Variants in ALG3 observed in about 807,000 individuals in gnomAD.
ALG3 encodes ALG3 alpha-1,3- mannosyltransferase, also known as dol-P-Man:Man(5)GlcNAc(2)-PP-Dol alpha-1,3-mannosyltransferase.
In ALG3, 39 loss-of-function variants were observed where a neutral mutation model predicts 50.5. That is an observed-to-expected ratio of 0.77 (90% CI 0.60 to 1.01). ALG3 has a LOEUF of 1.01. ALG3 is among the 50% of genes least tolerant of loss of function. The pLI, the probability that ALG3 is intolerant of heterozygous loss-of-function variation, is 0.00. For synonymous variants in ALG3, 252 were observed against 237.2 expected (o/e 1.06, Z -0.58); for missense variants, 520 against 554.8 (o/e 0.94, Z 0.63).
intron 4 of ALG3, 162 bp downstream of exon 4, chr3:184,245,036 G>T: frequency 2.1e-6 from 2 of 968,372 alleles, no homozygotes; most frequent in East Asian, 2.6e-5. Context: ...GTATGTTGGG[G>T]GATGGCAGGG....
At chr3:184,247,085 G>T (rs374812193) in intron 1 of ALG3, among the ~76,000 whole-genome samples, 164 of 150,852 alleles carry the variant, frequency 1.1e-3, no homozygotes, top group African/African-American at 3.9e-3. Context: ...TTCTATTTTA[G>T]TAGAGACAGG....
upstream of ALG3, chr3:184,248,980 A>G (rs1351996352): frequency 3.9e-6 from 6 of 1,547,820 alleles, no homozygotes; most frequent in Non-Finnish European, 5.2e-6. Flanking sequence ...CCACCCCCGG[A>G]AACCCGAACC....
chr3:184,246,875 G>A (rs1159784825), intron 1 of ALG3, among the ~76,000 whole-genome samples: 4 of 151,688 alleles, frequency 2.6e-5, no homozygotes, highest in African/African-American at 9.7e-5. Context: ...AGTAGAGATG[G>A]GGTTTCACCG....
chr3:184,243,717 C>A (rs908472655), intron 6 of ALG3, 74 bp downstream of exon 6: 28 of 1,593,010 alleles, frequency 1.8e-5, no homozygotes, highest in Non-Finnish European at 2.4e-5. Context: ...GACACTTCCC[C>A]CAAGCAGCCC....
At chr3:184,247,764 C>T (rs1347541843) in intron 1 of ALG3, among the ~76,000 whole-genome samples, 1 of 152,192 alleles carries the variant, frequency 6.6e-6, no homozygotes, top group Admixed American at 6.5e-5. Flanking sequence ...TTTATGGTAT[C>T]CTGTGTTACT....
intron 8 of ALG3, 60 bp downstream of exon 8, chr3:184,242,753 T>A (rs1718885176): frequency 4.4e-6 from 7 of 1,600,184 alleles, no homozygotes; most frequent in African/African-American, 4.0e-5. Flanking sequence ...GCCCTAGACA[T>A]AAACCCCCAA....
chr3:184,245,138 A>G, intron 4 of ALG3, 60 bp downstream of exon 4: 1 of 1,598,450 alleles, frequency 6.3e-7, no homozygotes, highest in Non-Finnish European at 8.5e-7. Context: ...TGCTGCAGGA[A>G]ATTGGGAAGA....
At position 184,243,565 on chromosome 3, in the gene ALG3, AG is replaced by A; in HGVS notation, c.997del (p.Thr334HisfsTer134). 6.2e-7 allele frequency: 1 copy of A among 1,613,848 alleles called. No homozygotes were observed. Among genetic ancestry groups the A allele is most frequent in the South Asian group, 1.1e-5 (1 of 91,062 alleles). Reference sequence around the variant, plus strand: ...AATTTAAAGGATATGGTTGGGTGTAAGGGGCTGGGGTGGAACCTTCCTTTTG... The same window carrying A: ...AATTTAAAGGATATGGTTGGGTGTAAGGGCTGGGGTGGAACCTTCCTTTTG... ...PSKRKVPPQP[L>X]TPNQIVSTLF... On this transcript the variant is annotated frameshift_variant, in exon 7 of 9. Coordinates refer to ENST00000397676, the MANE Select transcript of ALG3 (RefSeq NM_005787.6). LOFTEE classifies it high-confidence loss of function.
Position 184,243,554 on chromosome 3 carries a change from G to T in ALG3, c.1009C>A (p.Gln337Lys). ...TACCTTCCCACAATTTAAAGGATAT[G>T]GTTGGGTGTAAGGGGCTGGGGTGGA... ...KVPPQPLTPN[Q>K]IVSTLFTSNF... Residue 337 changes from glutamine to lysine, a missense_variant and splice_region_variant, in exon 7 of 9, where the codon CAG becomes AAG. By Grantham distance (53) the Gln-to-Lys change is moderately conservative. Around this residue, in one of 3 missense-constraint regions of ALG3, gnomAD observed 224 missense variants for 272.8 expected, o/e 0.82. Transcript: ENST00000397676. The T allele has an allele frequency of 6.2e-7, 1 of 1,613,758 alleles. No homozygotes were observed. Among genetic ancestry groups the T allele is most frequent in the South Asian group, 1.1e-5 (1 of 91,056 alleles).
At chr3:184,243,651 C>A in intron 6 of ALG3, 21 bp from the exon 7 acceptor site, 1 of 1,613,514 alleles carries the variant, frequency 6.2e-7, no homozygotes, top group Non-Finnish European at 8.5e-7. Context: ...GCCATTCAGA[C>A]AGTTATCAAG....
In ALG3 at chr3:184,245,583, C is replaced by A. The variant is rs376100127; in HGVS notation, c.329G>T (p.Gly110Val). The A allele has an allele frequency of 6.6e-5, 107 of 1,613,474 alleles. No homozygotes were observed. Among genetic ancestry groups the A allele is most frequent in the Non-Finnish European group, 8.8e-5 (104 of 1,179,730 alleles). ...YPAGFVYIFMGLYYATSRGTD... is the reference protein window; with the variant it reads ...YPAGFVYIFMVLYYATSRGTD... Reference sequence around the variant, plus strand: ...GCCTCGGCTGGTGGCATAGTACAACCCCATAAAGATGTACACGAAACCAGC... The same window carrying A: ...GCCTCGGCTGGTGGCATAGTACAACACCATAAAGATGTACACGAAACCAGC... Residue 110 changes from glycine (G) to valine (V), a missense_variant, in exon 3 of 9, where the codon GGG (glycine) becomes GTG (valine). Coordinates refer to ENST00000397676, the MANE Select transcript of ALG3 (RefSeq NM_005787.6).
At chr3:184,246,440 G>T (rs932677641) in intron 1 of ALG3, among the ~76,000 whole-genome samples, 32 of 152,200 alleles carry the variant, frequency 2.1e-4, no homozygotes, top group African/African-American at 7.5e-4. Context: ...GGGAGCCTAA[G>T]AATTAATTAG....
chr3:184,246,185 C>T (rs1452103768), intron 1 of ALG3, among the ~76,000 whole-genome samples: 6 of 152,182 alleles, frequency 3.9e-5, no homozygotes, highest in Admixed American at 3.3e-4. Flanking sequence ...TCTATCTCAT[C>T]CTTCTCTGCT....
At chr3:184,247,463 A>G (rs1470752863) in intron 1 of ALG3, among the ~76,000 whole-genome samples, 2 of 151,298 alleles carry the variant, frequency 1.3e-5, no homozygotes, top group Admixed American at 6.6e-5. Context: ...ACGCCCAGCT[A>G]ATTTTTGTAT....
intron 7 of ALG3, 36 bp from the exon 8 acceptor site, chr3:184,242,993 G>GT: frequency 1.2e-6 from 2 of 1,609,686 alleles, no homozygotes; most frequent in Non-Finnish European, 1.7e-6. Flanking sequence ...AGGAGTGTGT[G>GT]TGGGGGGGAC....
rs371844833 is a variant in ALG3, at chr3:184,247,359, G to A, written c.196+1386C>T. 3.3e-5 allele frequency among the ~76,000 whole-genome samples: 5 copies of A among 150,272 alleles called. No homozygotes were observed. In the East Asian group the frequency reaches 6.0e-4, roughly 18 times the overall value. ...GTCACCCAGGCTGGAGTACAGTGGC[G>A]CAATCTCGGCTCACTGCAACCTCCA... is the stretch of plus-strand genomic sequence containing the variant. On this transcript the variant is annotated intron_variant, in intron 1 of 8. Transcript: ENST00000397676.
chr3:184,249,277 T>A (rs1302199628), upstream of ALG3: 7 of 1,610,854 alleles, frequency 4.3e-6, no homozygotes, highest in South Asian at 7.8e-5. Context: ...GCTGGGAACA[T>A]CTGTGTTCAT....
chr3:184,246,227 C>A (rs1232171719), intron 1 of ALG3, among the ~76,000 whole-genome samples: 1 of 152,196 alleles, frequency 6.6e-6, no homozygotes, highest in Non-Finnish European at 1.5e-5. Context: ...CTAAAGTAAT[C>A]TCTAGCCCCA....
chr3:184,248,729 C>A lies in ALG3; in HGVS notation c.196+16G>T. On this transcript the variant is annotated intron_variant, in intron 1 of 8. Coordinates refer to ENST00000397676, the MANE Select transcript of ALG3 (RefSeq NM_005787.6). ...GGTCTCCCTCCCTCCCCTCCCCTCC[C>A]CCTCGGCGCACTCACATGCCACCCT... 6.5e-7 allele frequency: 1 copy of A among 1,536,826 alleles called. No homozygotes were observed. The highest frequency in any genetic ancestry group is 1.2e-5 in the South Asian group (1 of 82,604).
Sources: gnomAD v4.1 joint callset for allele counts (sites outside exome capture counted in the v4.1 genomes callset) on GRCh38, gnomAD v4.1.1 for gene constraint, gnomAD v4.1.1 regional missense constraint, MANE v1.5 for transcripts, NCBI Gene and HGNC (gene_info 2026-07-23, HGNC 2026-07-21) for gene names.